CDH12: variants seen among roughly 807,000 people sequenced by gnomAD.
CDH12 encodes cadherin-12.
Under a neutral mutation model 74.1 loss-of-function variants are expected in CDH12, and 41 were observed. The ratio of observed to expected loss-of-function variants is 0.55; its 90% confidence interval spans 0.43 to 0.72. The LOEUF is 0.72. CDH12 is among the 30% of genes least tolerant of loss of function. CDH12 has a pLI of 0.00. For missense variants in CDH12, 945 were observed against 977.2 expected (o/e 0.97, Z 0.44); for synonymous variants, 399 against 355.0 (o/e 1.12, Z -1.39).
chr5:22,638,311 A>C (rs539716284), intron 1 of CDH12, among the ~76,000 whole-genome samples: 1 of 152,324 alleles, frequency 6.6e-6, no homozygotes, highest in African/African-American at 2.4e-5. Flanking sequence ...CTGACAGTGC[A>C]CCTTCAGTCT....
intron 3 of CDH12, among the ~76,000 whole-genome samples, chr5:22,341,790 C>A (rs1291684928): frequency 1.3e-5 from 2 of 152,090 alleles, no homozygotes; most frequent in Non-Finnish European, 2.9e-5. Context: ...CTCTGCAGAA[C>A]CAAGAACCAA....
intron 1 of CDH12, among the ~76,000 whole-genome samples, chr5:22,709,517 A>C (rs896177697): frequency 6.6e-6 from 1 of 152,222 alleles, no homozygotes; most frequent in Non-Finnish European, 1.5e-5. Flanking sequence ...AACAAGCTTC[A>C]TCTAATGTGT....
intron 1 of CDH12, among the ~76,000 whole-genome samples, chr5:22,601,689 CT>C: frequency 6.6e-6 from 1 of 151,968 alleles, no homozygotes; most frequent in South Asian, 2.1e-4. Context: ...TAATTTAATC[CT>C]TACATCTCCC....
chr5:22,488,274 A>C (rs183233955), intron 2 of CDH12, among the ~76,000 whole-genome samples: 97 of 152,354 alleles, frequency 6.4e-4, no homozygotes, highest in African/African-American at 2.2e-3. Flanking sequence ...AACCATATAT[A>C]GATGGCCATT....
intron 1 of CDH12, among the ~76,000 whole-genome samples, chr5:22,753,413 G>C (rs1745708231): frequency 6.7e-6 from 1 of 149,988 alleles, no homozygotes; most frequent in Non-Finnish European, 1.5e-5. Flanking sequence ...CTTTAGCCTG[G>C]GAGACAGAGC....
intron 2 of CDH12, among the ~76,000 whole-genome samples, chr5:22,425,064 A>ATG (rs1173656725): frequency 2.1e-4 from 14 of 65,774 alleles, no homozygotes; most frequent in African/African-American, 7.0e-4. Flanking sequence ...TTTTACATTT[A>ATG]TATATATATA....
Position 22,026,990 on chromosome 5 carries a change from T to A in CDH12, c.231+51456A>T, listed in dbSNP as rs533890136. Among the ~76,000 whole-genome samples, 7 of 152,316 alleles carry A rather than the reference T, an allele frequency of 4.6e-5. No individual in the cohort carries two copies. The South Asian group carries it at 1.0e-3, about 23-fold the overall frequency. ...TCTTATTATTTTAAGATATGTCCCA[T>A]CAATACCTAATTTATTGAGAGTTTT... On this transcript the variant is annotated intron_variant, in intron 5 of 14. Transcript: ENST00000382254.
intron 4 of CDH12, among the ~76,000 whole-genome samples, chr5:22,084,078 T>C (rs967172497): frequency 1.2e-4 from 18 of 152,134 alleles, no homozygotes; most frequent in African/African-American, 3.9e-4. Context: ...ATAATAGACA[T>C]GGTCACTGTT....
chr5:22,765,512 C>T (rs1380384052), intron 1 of CDH12, among the ~76,000 whole-genome samples: 2 of 151,976 alleles, frequency 1.3e-5, no homozygotes, highest in African/African-American at 4.8e-5. Flanking sequence ...GTCCCATACT[C>T]TTACTAGTAT....
chr5:22,086,760 A>G (rs1455132381), intron 4 of CDH12, among the ~76,000 whole-genome samples: 1 of 152,206 alleles, frequency 6.6e-6, no homozygotes, highest in Non-Finnish European at 1.5e-5. Context: ...TGTTAAAAAA[A>G]AAAGAAACTC....
At chr5:22,616,727 A>G (rs1295836897) in intron 1 of CDH12, among the ~76,000 whole-genome samples, 2 of 152,084 alleles carry the variant, frequency 1.3e-5, no homozygotes, top group African/African-American at 2.4e-5. Context: ...GGTGAGTGCT[A>G]TGATCTGAAT....
chr5:22,025,050 C>T (rs1431673788), intron 5 of CDH12, among the ~76,000 whole-genome samples: 1 of 151,988 alleles, frequency 6.6e-6, no homozygotes, highest in Non-Finnish European at 1.5e-5. Context: ...ACTATGATGC[C>T]TAATAATAAA....
chr5:22,101,530 A>G (rs2150249958), intron 4 of CDH12, among the ~76,000 whole-genome samples: 1 of 152,294 alleles, frequency 6.6e-6, no homozygotes, highest in Admixed American at 6.5e-5. Flanking sequence ...TTGCTTCCAG[A>G]GTTCCTGTGG....
In CDH12 at chr5:21,995,758, G is replaced by T. The variant is rs944407573; in HGVS notation, c.232-20373C>A. On this transcript the variant is annotated intron_variant, in intron 5 of 14. Coordinates refer to ENST00000382254, the MANE Select transcript of CDH12 (RefSeq NM_004061.5). ...ACCTCTCTCCTATCCTTTTCTGAGG[G>T]AAACGCTTTGTGCTCAACATAATTT... 4.6e-5 allele frequency among the ~76,000 whole-genome samples: 7 copies of T among 151,498 alleles called. 1 individual carries two copies. Among genetic ancestry groups the T allele is most frequent in the Admixed American group, 4.6e-4 (7 of 15,174 alleles).
rs1365571258 is a variant in CDH12 at position 22,003,730 on chromosome 5, A to T, written c.232-28345T>A. The stretch of plus-strand genomic sequence containing the variant: ...ACTGGACTGTGAGCTTCTAAAGGGA[A>T]TATTTCCCCAAGACCCATCTTCATA... On this transcript the variant is annotated intron_variant, in intron 5 of 14. Transcript: ENST00000382254. Among the ~76,000 whole-genome samples the T allele has an allele frequency of 2.0e-5, 3 of 149,498 alleles. 1 individual carries two copies. The South Asian group carries it at 6.3e-4, about 32-fold the overall frequency.
In CDH12 at chr5:22,309,008, A is replaced by C. The variant is rs535953839; in HGVS notation, c.-333+96249T>G. Among the ~76,000 whole-genome samples the C allele has an allele frequency of 3.9e-5, 6 of 152,014 alleles. No homozygotes were observed. In the South Asian group the frequency reaches 8.3e-4, roughly 21 times the overall value. On this transcript the variant is annotated intron_variant, in intron 3 of 14. Transcript: ENST00000382254. The stretch of plus-strand genomic sequence containing the variant: ...GAGAGATGACTTCCTATATGAGAGA[A>C]AAGCAGAGAAAGAGAAAGACGCTCA...
intron 1 of CDH12, among the ~76,000 whole-genome samples, chr5:22,616,438 T>C (rs1309107179): frequency 2.0e-5 from 3 of 152,102 alleles, no homozygotes; most frequent in South Asian, 2.1e-4. Context: ...ATATATATGA[T>C]TGCATTTAAA....
chr5:21,947,037 T>C (rs1329461871), intron 6 of CDH12, among the ~76,000 whole-genome samples: 1 of 152,214 alleles, frequency 6.6e-6, no homozygotes, highest in Non-Finnish European at 1.5e-5. Context: ...AAGTTTCTCC[T>C]AGACACACTC....
chr5:22,159,293 T>C (rs1748193806), intron 4 of CDH12, among the ~76,000 whole-genome samples: 1 of 152,174 alleles, frequency 6.6e-6, no homozygotes, highest in South Asian at 2.1e-4. Flanking sequence ...TGGTTTAATA[T>C]GGTGACTTCT....
Sources: gnomAD v4.1 joint callset for allele counts (sites outside exome capture counted in the v4.1 genomes callset) on GRCh38, gnomAD v4.1.1 for gene constraint, MANE v1.5 for transcripts, NCBI Gene and HGNC (gene_info 2026-07-23, HGNC 2026-07-21) for gene names.